RREB1: variants seen among roughly 807,000 people sequenced by gnomAD.
RREB1 encodes the protein ras-responsive element-binding protein 1.
In RREB1, 27 loss-of-function variants were observed where a neutral mutation model predicts 117.8. The observed-to-expected ratio is 0.23, with a 90% CI of 0.17 to 0.32. The LOEUF (loss-of-function observed/expected upper bound fraction) is 0.32, where lower values mean the gene tolerates loss of function less well. Among genes scored for constraint, RREB1 ranks in the 10% least tolerant of loss-of-function variants. RREB1 has a pLI of 1.00. For synonymous variants in RREB1, 1,298 were observed against 1,026.7 expected (o/e 1.26, Z -5.05); for missense variants, 2,577 against 2,378.2 (o/e 1.08, Z -1.74).
chr6:7,141,240 G>A (rs1581439466), intron 1 of RREB1, among the ~76,000 whole-genome samples: 2 of 152,192 alleles, frequency 1.3e-5, no homozygotes, highest in East Asian at 1.9e-4. Context: ...GGGGCCGGGC[G>A]GGGCGGGGCT....
chr6:7,157,322 C>G (rs1459439490), intron 1 of RREB1, among the ~76,000 whole-genome samples: 1 of 150,838 alleles, frequency 6.6e-6, no homozygotes, highest in African/African-American at 2.4e-5. Context: ...TAGTCCCAGC[C>G]ACTTAGGAGG....
At position 7,114,614 on chromosome 6, in the gene RREB1, T is replaced by TCGTG. The variant is rs370920130; in HGVS notation, c.-285+6555_-285+6558dup. ...AAAGCCTGCTTGAAAGGTACAGTAGTCGTGGCCTGGGTCTCATCTACAAGT... is the reference window on the plus strand; with the variant it reads ...AAAGCCTGCTTGAAAGGTACAGTAGTCGTGCGTGGCCTGGGTCTCATCTACAAGT... On this transcript the variant is annotated intron_variant, in intron 1 of 12. Coordinates refer to ENST00000379938, the MANE Select transcript of RREB1 (RefSeq NM_001003699.4). 7.7e-4 allele frequency among the ~76,000 whole-genome samples: 117 copies of TCGTG among 152,312 alleles called. 1 individual carries two copies. The highest frequency in any genetic ancestry group is 2.7e-3 in the African/African-American group (112 of 41,556).
At chr6:7,112,399 TGA>T (rs1162699064) in intron 1 of RREB1, among the ~76,000 whole-genome samples, 2 of 152,126 alleles carry the variant, frequency 1.3e-5, no homozygotes, top group Non-Finnish European at 2.9e-5. Context: ...CAGGCAGTGT[TGA>T]GTCATATTTT....
intron 8 of RREB1, among the ~76,000 whole-genome samples, chr6:7,222,535 G>A (rs1194987338): frequency 6.6e-6 from 1 of 152,124 alleles, no homozygotes; most frequent in African/African-American, 2.4e-5. Context: ...GAATAATTCT[G>A]CCACGTCTTT....
At position 7,182,028 on chromosome 6, in the gene RREB1, G is replaced by A. The variant is rs148118101; in HGVS notation, c.117G>A (p.Gly39=). 3.1e-6 allele frequency: 5 copies of A among 1,614,042 alleles called. No homozygotes were observed. The African/African-American group carries it at 4.0e-5, about 13-fold the overall frequency. ...KVTENGGSPQ[G]IKSPSKPPGP... ...CAGAGAATGGCGGGAGCCCCCAGGG[G>A]ATCAAGTCCCCCTCGAAGCCTCCAG... The change falls in exon 4 of 13, where the codon GGG becomes GGA. Residue 39 remains glycine (G), a synonymous_variant. Coordinates refer to ENST00000379938, the MANE Select transcript of RREB1 (RefSeq NM_001003699.4).
intron 1 of RREB1, among the ~76,000 whole-genome samples, chr6:7,131,218 G>A (rs1237956725): frequency 1.3e-5 from 2 of 151,766 alleles, no homozygotes; most frequent in Non-Finnish European, 2.9e-5. Flanking sequence ...GAGCCACCGC[G>A]CCCGGCCAAT....
intron 1 of RREB1, among the ~76,000 whole-genome samples, chr6:7,170,607 G>A (rs1269288897): frequency 6.6e-6 from 1 of 152,242 alleles, no homozygotes; most frequent in Non-Finnish European, 1.5e-5. Flanking sequence ...GCCATGCACT[G>A]CAGGCTGGCC....
intron 8 of RREB1, chr6:7,216,504 A>C (rs572603524): frequency 2.0e-5 from 3 of 152,382 alleles, no homozygotes; most frequent in African/African-American, 7.2e-5. Context: ...TAGTGAGGGC[A>C]GCTGAGACCA....
chr6:7,149,471 C>T lies in RREB1; in HGVS notation c.-284-27184C>T, dbSNP rs540376893. On this transcript the variant is annotated intron_variant, in intron 1 of 12. Transcript: ENST00000379938. ...TCAACTAAGACTTACTGTAAAAAAC[C>T]ATAGAATTTTAGAGCTGGAATGGAC... Among the ~76,000 whole-genome samples, 10 of 152,112 alleles carry T rather than the reference C, an allele frequency of 6.6e-5. No individual in the cohort carries two copies. In the South Asian group the frequency reaches 1.5e-3, roughly 22 times the overall value.
chr6:7,143,839 CTTT>C (rs1316387422), intron 1 of RREB1, among the ~76,000 whole-genome samples: 10 of 132,824 alleles, frequency 7.5e-5, no homozygotes, highest in Non-Finnish European at 1.5e-5. Flanking sequence ...TCACTGCAGC[CTTT>C]TTTTCTTTCT....
chr6:7,169,305 A>G (rs1338405223), intron 1 of RREB1, among the ~76,000 whole-genome samples: 1 of 152,200 alleles, frequency 6.6e-6, no homozygotes, highest in Non-Finnish European at 1.5e-5. Context: ...CCCTGGGGGT[A>G]GGTGAGGGTG....
Position 7,248,953 on chromosome 6 carries a change from C to G in RREB1, c.5214C>G (p.Leu1738=). Reference sequence around the variant, plus strand: ...CCACAGCTGATGGCGCCTCCCAGCTCGTGGGGATGGAGTGACAGCCTCAGT... The same window carrying G: ...CCACAGCTGATGGCGCCTCCCAGCTGGTGGGGATGGAGTGACAGCCTCAGT... ...ILATADGASQ[L]VGME is the part of the protein sequence containing the mutation. Residue 1738 remains leucine, a synonymous_variant, in exon 13 of 13, where the codon CTC becomes CTG. Transcript: ENST00000379938. 6.7e-7 allele frequency: 1 copy of G among 1,486,954 alleles called. No individual in the cohort carries two copies. Among genetic ancestry groups the G allele is most frequent in the Non-Finnish European group, 8.9e-7 (1 of 1,121,488 alleles). 92.1% of individuals were successfully genotyped at this position (1,486,954 alleles called of 1,614,324 possible).
At chr6:7,232,592 C>G (rs1473479914) in intron 10 of RREB1, among the ~76,000 whole-genome samples, 2 of 152,042 alleles carry the variant, frequency 1.3e-5, no homozygotes, top group African/African-American at 4.8e-5. Context: ...CCAGGTGAAG[C>G]AGGAAAACAA....
At chr6:7,134,990 AAG>A (rs1428954990) in intron 1 of RREB1, among the ~76,000 whole-genome samples, 25 of 152,314 alleles carry the variant, frequency 1.6e-4, no homozygotes, top group African/African-American at 6.0e-4. Flanking sequence ...TCTATTGGGA[AAG>A]AGAATGCAAT....
chr6:7,209,002 C>A (rs765554165), intron 6 of RREB1, among the ~76,000 whole-genome samples: 1 of 152,168 alleles, frequency 6.6e-6, no homozygotes, highest in Non-Finnish European at 1.5e-5. Flanking sequence ...GCTGCCACAT[C>A]TGCAAAATGG....
In RREB1 at chr6:7,249,303, A is replaced by C. The variant is rs571081950; in HGVS notation, c.*335A>C. The C allele has an allele frequency of 1.4e-3, 399 of 278,000 alleles. No individual in the cohort carries two copies. Among genetic ancestry groups the C allele is most frequent in the Non-Finnish European group, 2.3e-3 (334 of 148,036 alleles). The allele number at this position is 278,000 out of a possible 1,614,324, so 17.2% of individuals were successfully genotyped here. The stretch of plus-strand genomic sequence containing the variant: ...TGTCTGGAGAGGACCTCTTCATTTG[A>C]GCATTAGCGTTATTTTGTATTGGTG... On this transcript the variant is annotated 3_prime_UTR_variant, in exon 13 of 13. Coordinates refer to ENST00000379938, the MANE Select transcript of RREB1 (RefSeq NM_001003699.4).
intron 2 of RREB1, among the ~76,000 whole-genome samples, chr6:7,177,773 AGT>A (rs1414649077): frequency 6.6e-6 from 1 of 151,752 alleles, no homozygotes; most frequent in Non-Finnish European, 1.5e-5. Flanking sequence ...CCCAGGCTGG[AGT>A]GTAATGGGGC....
In RREB1 at chr6:7,211,993, A is replaced by G. The variant is rs150127810; in HGVS notation, c.707+284A>G. 1.6e-3 allele frequency: 640 copies of G among 407,954 alleles called. 4 individuals are homozygous for G. Among genetic ancestry groups the G allele is most frequent in the African/African-American group, 0.012 (583 of 49,752 alleles). The allele number at this position is 407,954 out of a possible 1,614,324, so 25.3% of individuals were successfully genotyped here. ...GCCCCTGAACACTGGGGAGTCTGCT[A>G]TCATGGGTGTTCTTGGACAACAGAT... On this transcript the variant is annotated intron_variant, in intron 8 of 12. Transcript: ENST00000379938.
chr6:7,248,436 C>T (rs1046435442), intron 12 of RREB1, 75 bp from the exon 13 acceptor site: 2 of 1,321,278 alleles, frequency 1.5e-6, no homozygotes, highest in East Asian at 2.3e-5. Flanking sequence ...GAGCCTCATT[C>T]TTCCTGTGCA....
Sources: allele counts gnomAD v4.1 joint callset (sites outside exome capture counted in the v4.1 genomes callset), GRCh38; gene constraint gnomAD v4.1.1; transcripts MANE v1.5; gene names NCBI Gene and HGNC (gene_info 2026-07-23, HGNC 2026-07-21).